Variants in FKBP8 observed in about 807,000 individuals in gnomAD.
FKBP8 encodes the protein FKBP prolyl isomerase 8.
In FKBP8, 5 loss-of-function variants were observed where a neutral mutation model predicts 41.7. The ratio of observed to expected loss-of-function variants is 0.12; its 90% confidence interval spans 0.06 to 0.25. FKBP8 has a LOEUF of 0.25. Ranked by LOEUF, FKBP8 falls within the 10% of genes least tolerant of loss-of-function variation. The pLI, the probability that FKBP8 is intolerant of heterozygous loss-of-function variation, is 1.00. For missense variants in FKBP8, 397 were observed against 563.0 expected (o/e 0.71, Z 2.98); for synonymous variants, 279 against 254.5 (o/e 1.10, Z -0.92).
intron 8 of FKBP8, 160 bp downstream of exon 8, chr19:18,532,504 C>T (rs890652788): frequency 6.7e-6 from 8 of 1,194,292 alleles, no homozygotes; most frequent in Non-Finnish European, 8.1e-6. Flanking sequence ...TGAGTTCCAC[C>T]TTCGACTCCA....
In FKBP8 at chr19:18,541,693, C is replaced by T; in HGVS notation, c.278G>A (p.Trp93Ter). ...EPAPAPAPEE[W>*]LDILGNGLLR... ...TTGCTCCTTACCCAGAATGTCCAGC[C>T]ACTCTTCTGGGGCCGGGGCTGGGGC... Residue 93 changes from tryptophan (W) to a stop codon, truncating the protein, a stop_gained, in exon 2 of 9, where the codon TGG becomes TAG. Transcript: ENST00000608443. LOFTEE classifies it high-confidence loss of function. The T allele has an allele frequency of 6.2e-7, 1 of 1,608,574 alleles. No homozygotes were observed. The highest frequency in any genetic ancestry group is 8.5e-7 in the Non-Finnish European group (1 of 1,176,440).
chr19:18,533,014 G>A, intron 7 of FKBP8: 9 of 800,926 alleles, frequency 1.1e-5, no homozygotes, highest in Non-Finnish European at 1.7e-5. Flanking sequence ...GAGACAAAAG[G>A]TTCTGGAAGG....
rs141641362 is a variant in FKBP8, at chr19:18,537,110, G to T, written c.945+491C>A. Among the ~76,000 whole-genome samples, 5 of 152,206 alleles carry T rather than the reference G, an allele frequency of 3.3e-5. No homozygotes were observed. In the East Asian group the frequency reaches 9.6e-4, roughly 29 times the overall value. ...TCTCAGCACATGGGGAGACTGAGGCGGGCAGATCACTTGAGGTCAGGAGTT... is the reference window on the plus strand; with the variant it reads ...TCTCAGCACATGGGGAGACTGAGGCTGGCAGATCACTTGAGGTCAGGAGTT... On this transcript the variant is annotated intron_variant, in intron 6 of 8. Transcript: ENST00000608443. The surrounding 1 kb of genome is among the most constrained non-coding windows in gnomAD (Gnocchi z 4.4).
chr19:18,533,664 A>G (rs1239539551), intron 6 of FKBP8, among the ~76,000 whole-genome samples: 1 of 150,992 alleles, frequency 6.6e-6, no homozygotes, highest in African/African-American at 2.4e-5. Context: ...AGATCACACC[A>G]CTGCACCCCA....
In FKBP8 at chr19:18,538,961, C is replaced by A. The variant is rs912153929; in HGVS notation, c.551+410G>T. ...TCCAGAGTAGCTGGGACTACAGGCACCCACCACCACGCCTGGCTAATTTTT... is the reference window on the plus strand; with the variant it reads ...TCCAGAGTAGCTGGGACTACAGGCAACCACCACCACGCCTGGCTAATTTTT... On this transcript the variant is annotated intron_variant, in intron 4 of 8. Transcript: ENST00000608443. The surrounding 1 kb of genome is among the most constrained non-coding windows in gnomAD (Gnocchi z 4.0). Among the ~76,000 whole-genome samples, 7 of 151,978 alleles carry A rather than the reference C, an allele frequency of 4.6e-5. No homozygotes were observed. The highest frequency in any genetic ancestry group is 1.0e-4 in the Non-Finnish European group (7 of 67,990).
intron 8 of FKBP8, 195 bp downstream of exon 8, chr19:18,532,469 A>C (rs1026395695): frequency 1.0e-6 from 1 of 985,696 alleles, no homozygotes; most frequent in African/African-American, 1.6e-5. Flanking sequence ...AAGAGGCTCC[A>C]CAGTCCACCC....
Position 18,539,868 on chromosome 19 carries a change from G to A in FKBP8, c.293-148C>T, listed in dbSNP as rs1976660972. 3 of 895,452 alleles carry A rather than the reference G, an allele frequency of 3.4e-6. No individual in the cohort carries two copies. The East Asian group carries it at 7.6e-5, about 23-fold the overall frequency. 55.5% of individuals were successfully genotyped at this position (895,452 alleles called of 1,614,324 possible). On this transcript the variant is annotated intron_variant, in intron 2 of 8. Coordinates refer to ENST00000608443, the MANE Select transcript of FKBP8 (RefSeq NM_012181.5). Reference sequence around the variant, plus strand: ...CTGGGGCACAAACCAAACTTCCAATGGCCACTCTGCCACCAGAGTGGGGAA... The same window carrying A: ...CTGGGGCACAAACCAAACTTCCAATAGCCACTCTGCCACCAGAGTGGGGAA...
rs542930454 is a variant in FKBP8 at position 18,533,237 on chromosome 19, G to A, written c.1023+33C>T. 116 of 1,528,916 alleles carry A rather than the reference G, an allele frequency of 7.6e-5. 1 individual carries two copies. In the Middle Eastern group the frequency reaches 2.4e-3, roughly 31 times the overall value. 94.7% of individuals were successfully genotyped at this position (1,528,916 alleles called of 1,614,324 possible). A position where few individuals can be genotyped will look rare whatever the true frequency, so the allele number is the denominator to read the frequency against. ...AGACCGCAGGAGGGACTTCCCAGCC[G>A]AGCAAGTCCCAGGGCACCCCTGTCC... On this transcript the variant is annotated intron_variant, in intron 7 of 8. Transcript: ENST00000608443.
chr19:18,541,591 C>T (rs1401398289), intron 2 of FKBP8, 88 bp downstream of exon 2: 6 of 1,518,096 alleles, frequency 4.0e-6, no homozygotes, highest in Non-Finnish European at 5.3e-6. Flanking sequence ...CACGTGACTT[C>T]CAACCCTCAC....
In FKBP8 at chr19:18,533,310, G is replaced by A. The variant is rs953957801; in HGVS notation, c.983C>T (p.Pro328Leu). The change falls in exon 7 of 9, where the codon CCC becomes CTC. Residue 328 changes from proline (P) to leucine (L), a missense_variant. Pro to Leu is a moderately conservative substitution (Grantham distance 98, BLOSUM62 -3). Coordinates refer to ENST00000608443, the MANE Select transcript of FKBP8 (RefSeq NM_012181.5). ...AQQGEYSEAI[P>L]ILRAALKLEP... The stretch of plus-strand genomic sequence containing the variant: ...CAGCTTCAGGGCTGCCCTCAGGATG[G>A]GGATGGCCTCACTGTACTCCCCCTG... 1.2e-6 allele frequency: 2 copies of A among 1,605,900 alleles called. No individual in the cohort carries two copies. The highest frequency in any genetic ancestry group is 1.7e-5 in the Admixed American group (1 of 59,018).
intron 2 of FKBP8, among the ~76,000 whole-genome samples, chr19:18,540,941 A>C (rs117629190): frequency 0.014 from 2,058 of 152,144 alleles, 29 homozygotes; most frequent in Non-Finnish European, 0.019. Context: ...TTTCTGTTCC[A>C]TCAGTGTCAA....
intron 2 of FKBP8, among the ~76,000 whole-genome samples, chr19:18,540,871 CAAA>C (rs397859115): frequency 5.6e-5 from 4 of 71,408 alleles, no homozygotes; most frequent in East Asian, 3.9e-4. Flanking sequence ...GACTCTGTCT[CAAA>C]AAAAAAAAAA....
intron 6 of FKBP8, among the ~76,000 whole-genome samples, chr19:18,535,755 T>G (rs1308142835): frequency 9.1e-5 from 12 of 131,364 alleles, no homozygotes; most frequent in East Asian, 2.2e-4. Context: ...GGGTAGAAGA[T>G]GGAAATCTGT....
Position 18,538,513 on chromosome 19 carries a change from T to A in FKBP8, c.552-77A>T. On this transcript the variant is annotated intron_variant, in intron 4 of 8. Coordinates refer to ENST00000608443, the MANE Select transcript of FKBP8 (RefSeq NM_012181.5). This position sits in a 1 kb window ranked among gnomAD's most constrained non-coding sequence, Gnocchi z 4.0. ...ACCCGCTGGGCTGGCTAGGAAGGAG[T>A]GAGCTTGGCTCAAGCCCCCGATCTG... is the stretch of plus-strand genomic sequence containing the variant. 1 of 1,266,804 alleles carries A rather than the reference T, an allele frequency of 7.9e-7. No homozygotes were observed. The highest frequency in any genetic ancestry group is 1.1e-6 in the Non-Finnish European group (1 of 916,238). 78.5% of individuals were successfully genotyped at this position (1,266,804 alleles called of 1,614,324 possible).
rs767900697 is a variant in FKBP8, at chr19:18,532,139, G to A, written c.*30C>T. ...GGGAGCGCAGGGCAGGGTCCATGGT[G>A]TGCAGAGGGGGTGGCAGCCACCTAG... On this transcript the variant is annotated 3_prime_UTR_variant, in exon 9 of 9. Coordinates refer to ENST00000608443, the MANE Select transcript of FKBP8 (RefSeq NM_012181.5). 8.0e-5 allele frequency: 124 copies of A among 1,551,776 alleles called. No individual in the cohort carries two copies. Among genetic ancestry groups the A allele is most frequent in the Non-Finnish European group, 1.0e-4 (118 of 1,142,830 alleles).
At chr19:18,532,449 C>G in intron 8 of FKBP8, 194 bp from the exon 9 acceptor site, 1 of 910,630 alleles carries the variant, frequency 1.1e-6, no homozygotes, top group African/African-American at 1.7e-5. Flanking sequence ...CACCGCCCCT[C>G]GTGCCCTGGA....
intron 6 of FKBP8, among the ~76,000 whole-genome samples, chr19:18,536,990 C>T (rs1344705113): frequency 6.6e-6 from 1 of 152,096 alleles, no homozygotes; most frequent in African/African-American, 2.4e-5. Flanking sequence ...GACTAGGATT[C>T]CACTTTACTC....
At chr19:18,539,890 G>A (rs1311190246) in intron 2 of FKBP8, among the ~76,000 whole-genome samples, 170 bp from the exon 3 acceptor site, 3 of 152,242 alleles carry the variant, frequency 2.0e-5, no homozygotes, top group Non-Finnish European at 4.4e-5. Context: ...ACCAGAGTGG[G>A]GAACCCCACG....
chr19:18,532,042 A>G lies in FKBP8; in HGVS notation c.*127T>C, dbSNP rs1021660308. ...TGCTGGCTGGGCTGCACGACCCCCA[A>G]TCCTTGCTCCCCTAACCCGGAGGAG... On this transcript the variant is annotated 3_prime_UTR_variant, in exon 9 of 9. Coordinates refer to ENST00000608443, the MANE Select transcript of FKBP8 (RefSeq NM_012181.5). 27 of 827,830 alleles carry G rather than the reference A, an allele frequency of 3.3e-5. No individual in the cohort carries two copies. Among genetic ancestry groups the G allele is most frequent in the East Asian group, 1.1e-4 (4 of 37,306 alleles). 51.3% of individuals were successfully genotyped at this position (827,830 alleles called of 1,614,324 possible). A position where few individuals can be genotyped will look rare whatever the true frequency, so the allele number is the denominator to read the frequency against.
Sources: gnomAD v4.1 joint callset for allele counts (sites outside exome capture counted in the v4.1 genomes callset) on GRCh38, gnomAD v4.1.1 for gene constraint, Gnocchi (gnomAD v3.1) non-coding constraint, MANE v1.5 for transcripts, NCBI Gene and HGNC (gene_info 2026-07-23, HGNC 2026-07-21) for gene names.